GDPD3: variants seen among roughly 807,000 people sequenced by gnomAD.
The protein encoded by GDPD3 is glycerophosphodiester phosphodiesterase domain containing 3.
GDPD3 carries 40 observed loss-of-function variants against 43.7 expected under a neutral mutation model. The ratio of observed to expected loss-of-function variants is 0.91; its 90% CI spans 0.71 to 1.19. GDPD3 has a LOEUF of 1.19. Ranked by LOEUF, GDPD3 falls within the 50% of genes most tolerant of loss-of-function variation. The probability of loss-of-function intolerance (pLI) is 0.00; values close to 1 mark genes in which losing one functional copy is unlikely to be tolerated. For synonymous variants in GDPD3, 145 were observed against 162.9 expected (o/e 0.89, Z 0.84); for missense variants, 363 against 415.8 (o/e 0.87, Z 1.11).
Position 30,112,118 on chromosome 16 carries a change from G to GT in GDPD3, c.573+13dup, listed in dbSNP as rs754668003. On this transcript the variant is annotated intron_variant, in intron 6 of 9. Transcript: ENST00000406256. The surrounding 1 kb of genome is among the most constrained non-coding windows in gnomAD (Gnocchi z 5.4). Reference sequence around the variant, plus strand: ...GGAGGAGGAAGAGGACGGGGGAGGGGTGGGGGGACTCACGGCAGCCTTGCA... The same window carrying GT: ...GGAGGAGGAAGAGGACGGGGGAGGGGTTGGGGGGACTCACGGCAGCCTTGCA... 85 of 1,606,472 alleles carry GT rather than the reference G, an allele frequency of 5.3e-5. No homozygotes were observed. Among genetic ancestry groups the GT allele is most frequent in the Non-Finnish European group, 7.2e-5 (84 of 1,173,868 alleles).
chr16:30,112,553 T>G lies in GDPD3; in HGVS notation c.334A>C (p.Lys112Gln). 6.2e-7 allele frequency: 1 copy of G among 1,613,862 alleles called. No individual in the cohort carries two copies. Among genetic ancestry groups the G allele is most frequent in the Non-Finnish European group, 8.5e-7 (1 of 1,179,958 alleles). ...GAGAAGTAAACCTCCAGCTTCTCCTTGTAGAGGGGCAGGTCCTGGGGAGGA... is the reference window on the plus strand; with the variant it reads ...GAGAAGTAAACCTCCAGCTTCTCCTGGTAGAGGGGCAGGTCCTGGGGAGGA... ...SLDFEDLPLY[K>Q]EKLEVYFSPG... The change falls in exon 4 of 10, where the codon AAG becomes CAG. Residue 112 changes from lysine to glutamine, a missense_variant. Coordinates refer to ENST00000406256, the MANE Select transcript of GDPD3 (RefSeq NM_024307.3). The surrounding 1 kb of genome is among the most constrained non-coding windows in gnomAD (Gnocchi z 5.4).
In GDPD3 at chr16:30,108,330, G is replaced by A. The variant is rs539393239; in HGVS notation, c.767+43C>T. On this transcript the variant is annotated intron_variant, in intron 8 of 9. Coordinates refer to ENST00000406256, the MANE Select transcript of GDPD3 (RefSeq NM_024307.3). ...GGACCTGGGAGAAGGGCAGCAGTAG[G>A]TCTCTATGGGGACACGCCACCCAGC... The A allele has an allele frequency of 3.3e-5, 54 of 1,612,950 alleles. 1 individual carries two copies. In the South Asian group the frequency reaches 5.4e-4, roughly 16 times the overall value.
Position 30,112,498 on chromosome 16 carries a change from C to G in GDPD3, c.364+25G>C, listed in dbSNP as rs2072909604. ...CCAAGGAAGGCAGGCATGGCCCAGGCAGGGCTCGAAGCCCTTGCTCTCACC... is the reference window on the plus strand; with the variant it reads ...CCAAGGAAGGCAGGCATGGCCCAGGGAGGGCTCGAAGCCCTTGCTCTCACC... On this transcript the variant is annotated intron_variant, in intron 4 of 9. Coordinates refer to ENST00000406256, the MANE Select transcript of GDPD3 (RefSeq NM_024307.3). The surrounding 1 kb of genome is among the most constrained non-coding windows in gnomAD (Gnocchi z 5.4). 2 of 1,613,976 alleles carry G rather than the reference C, an allele frequency of 1.2e-6. No homozygotes were observed.
chr16:30,110,165 A>C (rs2072888962), intron 7 of GDPD3, among the ~76,000 whole-genome samples: 1 of 151,602 alleles, frequency 6.6e-6, no homozygotes, highest in Non-Finnish European at 1.5e-5. Flanking sequence ...GGCCGGGCGC[A>C]GTGGGTCACG....
intron 6 of GDPD3, 184 bp downstream of exon 6, chr16:30,111,944 AAAAC>A (rs2072902572): frequency 1.7e-6 from 1 of 602,836 alleles, no homozygotes; most frequent in Non-Finnish European, 2.9e-6. Context: ...AAAAAGAAAA[AAAAC>A]AAAAGTCACA....
Position 30,112,639 on chromosome 16 carries a change from G to T in GDPD3, c.318+19C>A, listed in dbSNP as rs1358611549. On this transcript the variant is annotated intron_variant, in intron 3 of 9. Coordinates refer to ENST00000406256, the MANE Select transcript of GDPD3 (RefSeq NM_024307.3). The surrounding 1 kb of genome is among the most constrained non-coding windows in gnomAD (Gnocchi z 5.4). ...GGTGACTCTCAGGGTGGGGGTTGGG[G>T]TGTCAGGGCAGGGCCCACCTCGAAG... 3.1e-6 allele frequency: 5 copies of T among 1,613,898 alleles called. No individual in the cohort carries two copies. In the African/African-American group the frequency reaches 6.7e-5, roughly 22 times the overall value.
Position 30,113,048 on chromosome 16 carries a change from CA to C in GDPD3, c.155del (p.Leu52ArgfsTer25). On this transcript the variant is annotated frameshift_variant, in exon 2 of 10. Coordinates refer to ENST00000406256, the MANE Select transcript of GDPD3 (RefSeq NM_024307.3). LOFTEE classifies it high-confidence loss of function. The surrounding 1 kb of genome is among the most constrained non-coding windows in gnomAD (Gnocchi z 5.9). ...TCTCCATGGCCTCCATGGTGTTCTCCAGCAGCTCTCCAGATCCTGTGGGGGG... is the reference window on the plus strand; with the variant it reads ...TCTCCATGGCCTCCATGGTGTTCTCCGCAGCTCTCCAGATCCTGTGGGGGG... ...GAHRGGSGEL[L>X]ENTMEAMENS... 6.2e-7 allele frequency: 1 copy of C among 1,613,450 alleles called. No homozygotes were observed. Among genetic ancestry groups the C allele is most frequent in the South Asian group, 1.1e-5 (1 of 91,012 alleles).
At chr16:30,109,105 C>T (rs1428807753) in intron 7 of GDPD3, among the ~76,000 whole-genome samples, 1 of 152,082 alleles carries the variant, frequency 6.6e-6, no homozygotes, top group African/African-American at 2.4e-5. Flanking sequence ...GCTGGGATTA[C>T]AGGCGTGAGC....
Position 30,112,191 on chromosome 16 carries a change from T to C in GDPD3, c.514A>G (p.Asn172Asp), listed in dbSNP as rs746162897. The C allele has an allele frequency of 1.9e-5, 30 of 1,613,962 alleles. No individual in the cohort carries two copies. The highest frequency in any genetic ancestry group is 2.5e-5 in the Non-Finnish European group (30 of 1,180,012). Reference sequence around the variant, plus strand: ...TCCGAGGCCCAGATGGTGATTTCATTACGGTCATAGCGTCTCACCAAGCCT... The same window carrying C: ...TCCGAGGCCCAGATGGTGATTTCATCACGGTCATAGCGTCTCACCAAGCCT... ...IAGLVRRYDR[N>D]EITIWASEKS... Residue 172 changes from asparagine (N) to aspartate (D), a missense_variant, in exon 6 of 10, where the codon AAT becomes GAT. Transcript: ENST00000406256. The surrounding 1 kb of genome is among the most constrained non-coding windows in gnomAD (Gnocchi z 5.4).
At chr16:30,105,653 C>T (rs770583398) in intron 9 of GDPD3, among the ~76,000 whole-genome samples, 11 of 150,560 alleles carry the variant, frequency 7.3e-5, no homozygotes, top group South Asian at 4.2e-4. Context: ...TACAGATGTC[C>T]GCCACCACGC....
In GDPD3 at chr16:30,113,003, C is replaced by G; in HGVS notation, c.182+19G>C. 1.2e-6 allele frequency: 2 copies of G among 1,611,062 alleles called. No homozygotes were observed. Among genetic ancestry groups the G allele is most frequent in the Non-Finnish European group, 8.5e-7 (1 of 1,177,776 alleles). ...GCACACCCTCACATGGCAGCCTGGG[C>G]AGGGGCAGATACACTCACTTCTCCA... On this transcript the variant is annotated intron_variant, in intron 2 of 9. Coordinates refer to ENST00000406256, the MANE Select transcript of GDPD3 (RefSeq NM_024307.3). The surrounding 1 kb of genome is among the most constrained non-coding windows in gnomAD (Gnocchi z 5.9).
chr16:30,105,813 T>C (rs1596868308), intron 9 of GDPD3, among the ~76,000 whole-genome samples: 5 of 146,910 alleles, frequency 3.4e-5, no homozygotes, highest in African/African-American at 9.9e-5. Flanking sequence ...CTAAATAAAT[T>C]ATTAAAACAA....
rs2072896387 is a variant in GDPD3 at position 30,111,247 on chromosome 16, T to A, written c.707+141A>T. 7 of 913,578 alleles carry A rather than the reference T, an allele frequency of 7.7e-6. No individual in the cohort carries two copies. In the Admixed American group the frequency reaches 1.7e-4, roughly 22 times the overall value. The allele number at this position is 913,578 out of a possible 1,614,324, so 56.6% of individuals were successfully genotyped here. Reference sequence around the variant, plus strand: ...TCACAGTTCCCTTAGTATTCATGAATGCTGGGTAAGAACCACTGTCCTTAA... The same window carrying A: ...TCACAGTTCCCTTAGTATTCATGAAAGCTGGGTAAGAACCACTGTCCTTAA... On this transcript the variant is annotated intron_variant, in intron 7 of 9. Coordinates refer to ENST00000406256, the MANE Select transcript of GDPD3 (RefSeq NM_024307.3).
intron 7 of GDPD3, 133 bp from the exon 8 acceptor site, chr16:30,108,565 G>A (rs746419471): frequency 4.9e-5 from 37 of 762,556 alleles, no homozygotes; most frequent in Non-Finnish European, 7.8e-5. Flanking sequence ...AATAACCTTT[G>A]TAGTTGCCCC....
At chr16:30,111,177 C>T (rs1717772963) in intron 7 of GDPD3, 2 of 541,470 alleles carry the variant, frequency 3.7e-6, no homozygotes, top group Non-Finnish European at 6.5e-6. Context: ...GGATAAATTA[C>T]CTCTCTATCC....
chr16:30,113,380 C>G lies in GDPD3; in HGVS notation c.99G>C (p.Arg33Ser), dbSNP rs1202820195. ...CCAGGCGGATGCGGAAGGTGGGAGC[C>G]CTGGGCGTGTGCAGCAGATGAGGCC... ...LRRPHLLHTP[R>S]APTFRIRLGA... The change falls in exon 1 of 10, where the codon AGG (arginine) becomes AGC (serine). Residue 33 changes from arginine to serine, a missense_variant. Coordinates refer to ENST00000406256, the MANE Select transcript of GDPD3 (RefSeq NM_024307.3). This position sits in a 1 kb window ranked among gnomAD's most constrained non-coding sequence, Gnocchi z 5.9. 6.2e-7 allele frequency: 1 copy of G among 1,611,234 alleles called. No homozygotes were observed. The highest frequency in any genetic ancestry group is 8.5e-7 in the Non-Finnish European group (1 of 1,178,314).
Position 30,108,283 on chromosome 16 carries a change from C to A in GDPD3, c.768-19G>T. On this transcript the variant is annotated intron_variant, in intron 8 of 9. Coordinates refer to ENST00000406256, the MANE Select transcript of GDPD3 (RefSeq NM_024307.3). ...GATCAGCCTGGGGGTGGGGTGGGGA[C>A]GTGGGAGGTGATGATGAGAGGGGAC... The A allele has an allele frequency of 6.2e-7, 1 of 1,611,654 alleles. No homozygotes were observed. Among genetic ancestry groups the A allele is most frequent in the Non-Finnish European group, 8.5e-7 (1 of 1,179,018 alleles).
In GDPD3 at chr16:30,112,123, G is replaced by A; in HGVS notation, c.573+9C>T. 6.2e-7 allele frequency: 1 copy of A among 1,609,938 alleles called. No individual in the cohort carries two copies. Among genetic ancestry groups the A allele is most frequent in the Non-Finnish European group, 8.5e-7 (1 of 1,176,710 alleles). ...AGGAAGAGGACGGGGGAGGGGTGGG[G>A]GGACTCACGGCAGCCTTGCATTTCT... is the stretch of plus-strand genomic sequence containing the variant. On this transcript the variant is annotated intron_variant, in intron 6 of 9. Transcript: ENST00000406256. The surrounding 1 kb of genome is among the most constrained non-coding windows in gnomAD (Gnocchi z 5.4).
Position 30,113,338 on chromosome 16 carries a change from ACCT to A in GDPD3, c.138_139+1del, listed in dbSNP as rs763478654. On this transcript the variant is annotated splice_donor_variant and coding_sequence_variant, in exon 1 of 10. Coordinates refer to ENST00000406256, the MANE Select transcript of GDPD3 (RefSeq NM_024307.3). LOFTEE classifies it high-confidence loss of function. The surrounding 1 kb of genome is among the most constrained non-coding windows in gnomAD (Gnocchi z 5.9). ...ACCTGTTCTCACCCCTACCCGGCTC[ACCT>A]CCTCGGTGGGCCCCCAGGCGGATGC... 21 of 1,583,588 alleles carry A rather than the reference ACCT, an allele frequency of 1.3e-5. No homozygotes were observed. The East Asian group carries it at 3.6e-4, about 27-fold the overall frequency.
Sources: allele counts gnomAD v4.1 joint callset (sites outside exome capture counted in the v4.1 genomes callset), GRCh38; gene constraint gnomAD v4.1.1; non-coding constraint Gnocchi (gnomAD v3.1); transcripts MANE v1.5; gene names NCBI Gene and HGNC (gene_info 2026-07-23, HGNC 2026-07-21).